The following STXBP5L variants were observed in gnomAD, a reference collection of about 807,000 sequenced individuals.
STXBP5L encodes the protein syntaxin-binding protein 5-like.
Under a neutral mutation model 144.5 loss-of-function variants are expected in STXBP5L, and 65 were observed. That is an observed-to-expected ratio of 0.45 (90% CI 0.37 to 0.55). The LOEUF is 0.55. STXBP5L is among the 20% of genes least tolerant of loss of function. STXBP5L has a pLI of 0.00. For missense variants in STXBP5L, 1,298 were observed against 1,405.5 expected, an observed-to-expected ratio of 0.92 and a Z score of 1.22; for synonymous variants, 505 against 469.6, an observed-to-expected ratio of 1.08 and a Z score of -0.97.
chr3:121,418,430 G>T lies in STXBP5L; in HGVS notation c.3320G>T (p.Gly1107Val), dbSNP rs753808490. 2 of 1,614,042 alleles carry T rather than the reference G, an allele frequency of 1.2e-6. No individual in the cohort carries two copies. Among genetic ancestry groups the T allele is most frequent in the Admixed American group, 3.3e-5 (2 of 59,998 alleles). ...SIEGMKGAAG[G>V]VMGELTRARI... is the part of the protein sequence containing the mutation. Reference sequence around the variant, plus strand: ...GAAGGGATGAAAGGCGCTGCTGGAGGGGTGATGGGAGAGCTGACCCGTGCA... The same window carrying T: ...GAAGGGATGAAAGGCGCTGCTGGAGTGGTGATGGGAGAGCTGACCCGTGCA... Residue 1107 changes from glycine to valine, a missense_variant, in exon 26 of 27, where the codon GGG becomes GTG. Gly to Val is a moderately radical substitution (Grantham distance 109, BLOSUM62 -3). Transcript: ENST00000471454.
At chr3:121,250,476 A>G (rs2049994449) in intron 14 of STXBP5L, among the ~76,000 whole-genome samples, 2 of 152,048 alleles carry the variant, frequency 1.3e-5, no homozygotes, top group Admixed American at 1.3e-4. Flanking sequence ...TCCATTACAT[A>G]TATAACCTTT....
intron 5 of STXBP5L, chr3:121,099,021 ATCTATATACAT>A (rs1350793174): frequency 1.2e-4 from 18 of 152,234 alleles, no homozygotes; most frequent in Non-Finnish European, 2.9e-5. Flanking sequence ...GATTGCCTCT[ATCTATATACAT>A]TCGTAAGCTT....
intron 20 of STXBP5L, among the ~76,000 whole-genome samples, chr3:121,346,762 G>T (rs1404655848): frequency 1.3e-5 from 2 of 152,202 alleles, no homozygotes; most frequent in Non-Finnish European, 2.9e-5. Flanking sequence ...TTTGAGAAGT[G>T]TCTGTTCATA....
chr3:121,259,231 T>A, intron 18 of STXBP5L, 63 bp downstream of exon 18: 1 of 1,308,860 alleles, frequency 7.6e-7, no homozygotes. Context: ...TTTTTAGATG[T>A]TCCTTGCTTA....
intron 7 of STXBP5L, among the ~76,000 whole-genome samples, chr3:121,124,089 T>G (rs1361225799): frequency 6.6e-6 from 1 of 151,894 alleles, no homozygotes; most frequent in African/African-American, 2.4e-5. Flanking sequence ...TATTGTATAG[T>G]GAATCTATTT....
At chr3:121,393,896 T>C (rs1263870671) in intron 22 of STXBP5L, among the ~76,000 whole-genome samples, 2 of 152,154 alleles carry the variant, frequency 1.3e-5, no homozygotes, top group Non-Finnish European at 2.9e-5. Flanking sequence ...GCTTAGGATT[T>C]CTTTGGCTAT....
intron 3 of STXBP5L, among the ~76,000 whole-genome samples, chr3:120,986,642 A>G (rs2107922147): frequency 6.6e-6 from 1 of 152,068 alleles, no homozygotes; most frequent in South Asian, 2.1e-4. Flanking sequence ...CATTTTGTCT[A>G]ATATTAGTAT....
intron 5 of STXBP5L, among the ~76,000 whole-genome samples, chr3:121,072,077 G>T (rs778615674): frequency 6.6e-6 from 1 of 152,228 alleles, no homozygotes; most frequent in Non-Finnish European, 1.5e-5. Flanking sequence ...ATTAGCTGTT[G>T]TACTATTTCT....
At chr3:121,031,784 G>A (rs909449129) in intron 3 of STXBP5L, among the ~76,000 whole-genome samples, 2 of 152,138 alleles carry the variant, frequency 1.3e-5, no homozygotes, top group East Asian at 1.9e-4. Context: ...CAATGTGAAA[G>A]ATTTGATAGT....
Position 121,382,804 on chromosome 3 carries a change from A to G in STXBP5L, c.2587+1272A>G, listed in dbSNP as rs551157003. Among the ~76,000 whole-genome samples the G allele has an allele frequency of 6.6e-5, 10 of 152,304 alleles. 1 individual carries two copies. In the South Asian group the frequency reaches 1.7e-3, roughly 25 times the overall value. ...AGGGAAATTCTTTGTCATTCTTAGC[A>G]CATATACTTAGACCAAAAAATGATG... On this transcript the variant is annotated intron_variant, in intron 22 of 26. Coordinates refer to ENST00000471454, the MANE Select transcript of STXBP5L (RefSeq NM_001308330.2).
intron 9 of STXBP5L, among the ~76,000 whole-genome samples, chr3:121,180,747 G>C (rs1193025576): frequency 6.6e-6 from 1 of 152,154 alleles, no homozygotes; most frequent in African/African-American, 2.4e-5. Flanking sequence ...GGTAGCTCAT[G>C]CCTGTAATCT....
At chr3:121,168,035 A>C (rs1322971343) in intron 9 of STXBP5L, among the ~76,000 whole-genome samples, 3 of 152,154 alleles carry the variant, frequency 2.0e-5, no homozygotes, top group African/African-American at 7.2e-5. Context: ...ATACCCAGGC[A>C]AACAGGGTCT....
intron 5 of STXBP5L, among the ~76,000 whole-genome samples, chr3:121,095,786 C>T (rs1036194490): frequency 2.0e-5 from 3 of 152,288 alleles, no homozygotes; most frequent in East Asian, 1.9e-4. Context: ...TCTCTCAACT[C>T]GTCAAAGTCA....
chr3:121,003,666 T>A (rs942497654), intron 3 of STXBP5L, among the ~76,000 whole-genome samples: 1 of 152,228 alleles, frequency 6.6e-6, no homozygotes, highest in Non-Finnish European at 1.5e-5. Context: ...GGTTTTCTTC[T>A]AGGGTTTTTA....
In STXBP5L at chr3:121,114,946, T is replaced by C. The variant is rs1262616303; in HGVS notation, c.492T>C (p.Pro164=). The C allele has an allele frequency of 1.9e-6, 3 of 1,568,504 alleles. No individual in the cohort carries two copies. Among genetic ancestry groups the C allele is most frequent in the Non-Finnish European group, 2.6e-6 (3 of 1,160,254 alleles). Residue 164 remains proline (P), a synonymous_variant, in exon 6 of 27, where the codon CCT becomes CCC. Coordinates refer to ENST00000471454, the MANE Select transcript of STXBP5L (RefSeq NM_001308330.2). ...NRERITYCHL[P]FQSKWLYVGT... ...TCAGAATTACTTACTGTCATCTACC[T>C]TTCCAGAGTAAATGGCTTTATGTTG...
At position 121,240,523 on chromosome 3, in the gene STXBP5L, T is replaced by A; in HGVS notation, c.1400+16T>A. On this transcript the variant is annotated intron_variant, in intron 14 of 26. Coordinates refer to ENST00000471454, the MANE Select transcript of STXBP5L (RefSeq NM_001308330.2). ...TTATTACTGGGTAAGTAGATGTGTT[T>A]TGTGAGTTATTAGTTCATCAACAAA... 2 of 1,611,114 alleles carry A rather than the reference T, an allele frequency of 1.2e-6. No individual in the cohort carries two copies. Among genetic ancestry groups the A allele is most frequent in the Non-Finnish European group, 1.7e-6 (2 of 1,177,812 alleles).
chr3:121,054,662 C>A (rs1044944421), intron 5 of STXBP5L, among the ~76,000 whole-genome samples: 6 of 151,570 alleles, frequency 4.0e-5, no homozygotes, highest in Admixed American at 3.9e-4. Flanking sequence ...ATGGGTGCAG[C>A]ACACCAACAT....
At chr3:121,189,390 A>T (rs2047540276) in intron 9 of STXBP5L, among the ~76,000 whole-genome samples, 1 of 152,184 alleles carries the variant, frequency 6.6e-6, no homozygotes, top group Admixed American at 6.5e-5. Context: ...TCTTGAATTA[A>T]TTTTTGTATA....
Position 121,411,060 on chromosome 3 carries a change from T to A in STXBP5L, c.2949-2098T>A, listed in dbSNP as rs536706152. On this transcript the variant is annotated intron_variant, in intron 23 of 26. Transcript: ENST00000471454. ...GGTTTGGACTCATATCTTAAGGAGC[T>A]TAGTTACCAGAAGTGCTATAACAGA... is the stretch of plus-strand genomic sequence containing the variant. Among the ~76,000 whole-genome samples the A allele has an allele frequency of 1.7e-3, 257 of 152,208 alleles. 1 individual carries two copies. Among genetic ancestry groups the A allele is most frequent in the Non-Finnish European group, 3.1e-3 (210 of 67,974 alleles).
Sources: allele counts gnomAD v4.1 joint callset (sites outside exome capture counted in the v4.1 genomes callset), GRCh38; gene constraint gnomAD v4.1.1; transcripts MANE v1.5; gene names NCBI Gene and HGNC (gene_info 2026-07-23, HGNC 2026-07-21).